The following CDH8 variants were observed in gnomAD, a reference collection of about 807,000 sequenced individuals.
CDH8 encodes cadherin-8.
A neutral mutation model predicts 68.1 loss-of-function variants in CDH8; 17 were observed. The ratio of observed to expected loss-of-function variants is 0.25; its 90% CI spans 0.17 to 0.37. The LOEUF is 0.37. CDH8 is among the 10% of genes least tolerant of loss of function. The pLI is 1.00. For synonymous variants in CDH8, 372 were observed against 365.1 expected, an observed-to-expected ratio of 1.02 and a Z score of -0.21; for missense variants, 763 against 999.3, an observed-to-expected ratio of 0.76 and a Z score of 3.19.
intron 8 of CDH8, among the ~76,000 whole-genome samples, chr16:61,771,446 A>C (rs1315806301): frequency 6.8e-6 from 1 of 147,104 alleles, no homozygotes; most frequent in African/African-American, 2.5e-5. Flanking sequence ...CACAAATCTA[A>C]TGACAAGCTG....
intron 8 of CDH8, among the ~76,000 whole-genome samples, chr16:61,778,232 A>G (rs1960950644): frequency 6.6e-6 from 1 of 152,172 alleles, no homozygotes; most frequent in East Asian, 1.9e-4. Flanking sequence ...ATAGCTATCA[A>G]TCTTTATGGT....
intron 7 of CDH8, among the ~76,000 whole-genome samples, chr16:61,808,756 A>C (rs1203040475): frequency 6.6e-6 from 1 of 152,236 alleles, no homozygotes; most frequent in Non-Finnish European, 1.5e-5. Flanking sequence ...TCAAACTTCC[A>C]ACAGTCTTGT....
At chr16:61,664,223 C>A (rs1024088057) in intron 10 of CDH8, among the ~76,000 whole-genome samples, 1 of 151,862 alleles carries the variant, frequency 6.6e-6, no homozygotes, top group Non-Finnish European at 1.5e-5. Flanking sequence ...TAATTTCTTT[C>A]ATAAATTGTC....
chr16:61,977,913 T>C lies in CDH8; in HGVS notation c.252+43239A>G, dbSNP rs1308197681. Among the ~76,000 whole-genome samples, 4 of 152,068 alleles carry C rather than the reference T, an allele frequency of 2.6e-5. No homozygotes were observed. The East Asian group carries it at 5.8e-4, about 22-fold the overall frequency. ...CTAGCACTACTAAGCATTCAGTACATATCCGCTTTAATGATAGTTTGTTAT... is the reference window on the plus strand; with the variant it reads ...CTAGCACTACTAAGCATTCAGTACACATCCGCTTTAATGATAGTTTGTTAT... On this transcript the variant is annotated intron_variant, in intron 2 of 11. Transcript: ENST00000577390.
chr16:61,902,841 T>C (rs1262136675), intron 2 of CDH8, among the ~76,000 whole-genome samples: 4 of 152,190 alleles, frequency 2.6e-5, no homozygotes, highest in Non-Finnish European at 5.9e-5. Flanking sequence ...CAAATATTTA[T>C]TGATTCTCAA....
chr16:61,972,029 A>C lies in CDH8; in HGVS notation c.252+49123T>G, dbSNP rs117250525. ...GTGTACTGACCCAAATCTTACCTTG[A>C]ATTGTAATAATCCCCACGTGTCAGG... On this transcript the variant is annotated intron_variant, in intron 2 of 11. Coordinates refer to ENST00000577390, the MANE Select transcript of CDH8 (RefSeq NM_001796.5). Among the ~76,000 whole-genome samples the C allele has an allele frequency of 3.1e-3, 479 of 152,282 alleles. 11 individuals carry two copies. The South Asian group carries it at 0.061, about 19-fold the overall frequency.
chr16:62,023,106 C>T (rs1425228380), intron 1 of CDH8, among the ~76,000 whole-genome samples: 1 of 152,200 alleles, frequency 6.6e-6, no homozygotes, highest in Non-Finnish European at 1.5e-5. Context: ...AAGTCTTTCT[C>T]TCATCCCAGT....
intron 10 of CDH8, among the ~76,000 whole-genome samples, chr16:61,707,159 T>G (rs1964549927): frequency 1.3e-5 from 2 of 152,192 alleles, no homozygotes; most frequent in South Asian, 4.1e-4. Flanking sequence ...TTTAGGTTCC[T>G]TATTAATATT....
intron 2 of CDH8, among the ~76,000 whole-genome samples, chr16:61,953,343 A>G (rs1047603035): frequency 2.6e-5 from 4 of 152,290 alleles, no homozygotes; most frequent in Admixed American, 6.5e-5. Flanking sequence ...TACTTCTGCT[A>G]TTCTTCTTCA....
chr16:61,751,185 C>A (rs1960148848), intron 8 of CDH8, among the ~76,000 whole-genome samples: 1 of 151,772 alleles, frequency 6.6e-6, no homozygotes, highest in African/African-American at 2.4e-5. Flanking sequence ...CGATGCAATA[C>A]AGCACAAAAT....
chr16:61,849,185 CAT>C (rs1962886646), intron 4 of CDH8, among the ~76,000 whole-genome samples: 1 of 151,898 alleles, frequency 6.6e-6, no homozygotes, highest in South Asian at 2.1e-4. Flanking sequence ...ATAATAGTAT[CAT>C]ATGATATTAT....
At chr16:61,894,435 G>C (rs186534591) in intron 3 of CDH8, among the ~76,000 whole-genome samples, 2 of 152,096 alleles carry the variant, frequency 1.3e-5, no homozygotes, top group Non-Finnish European at 2.9e-5. Context: ...CTGTGTATTT[G>C]ATATCAATGG....
chr16:61,775,672 C>G (rs750293518), intron 8 of CDH8, among the ~76,000 whole-genome samples: 5 of 152,036 alleles, frequency 3.3e-5, no homozygotes, highest in African/African-American at 1.2e-4. Flanking sequence ...AGCTAGCCTG[C>G]TAGAGGATGA....
At position 61,992,148 on chromosome 16, in the gene CDH8, G is replaced by A. The variant is rs183370781; in HGVS notation, c.252+29004C>T. ...TACTCTTTTTTGGGCTCTGCACTAA[G>A]GTGAAGAAGAAAGTACCTTTAATAT... On this transcript the variant is annotated intron_variant, in intron 2 of 11. Coordinates refer to ENST00000577390, the MANE Select transcript of CDH8 (RefSeq NM_001796.5). 2.6e-5 allele frequency among the ~76,000 whole-genome samples: 4 copies of A among 151,312 alleles called. No homozygotes were observed. The East Asian group carries it at 7.9e-4, about 30-fold the overall frequency.
intron 10 of CDH8, chr16:61,691,770 G>A (rs1964228390): frequency 1.3e-5 from 2 of 151,846 alleles, no homozygotes; most frequent in Admixed American, 1.3e-4. Context: ...GTAGTACTTG[G>A]CTCAAACACT....
At chr16:61,695,056 G>A (rs112477284) in intron 10 of CDH8, among the ~76,000 whole-genome samples, 8,866 of 151,990 alleles carry the variant, frequency 0.058, 903 homozygotes, top group African/African-American at 0.2. Context: ...TGGGATTATA[G>A]GCATGAGCCA....
chr16:61,704,009 T>A (rs74433613), intron 10 of CDH8, among the ~76,000 whole-genome samples: 18 of 152,290 alleles, frequency 1.2e-4, no homozygotes, highest in Non-Finnish European at 2.2e-4. Flanking sequence ...CTCATTAATT[T>A]CCTTTTGGAG....
At chr16:61,735,085 C>A (rs1391189196) in intron 8 of CDH8, among the ~76,000 whole-genome samples, 1 of 151,970 alleles carries the variant, frequency 6.6e-6, no homozygotes, top group Non-Finnish European at 1.5e-5. Flanking sequence ...TCGTCTTCTT[C>A]TTGTATCTTC....
intron 7 of CDH8, among the ~76,000 whole-genome samples, chr16:61,793,416 T>A (rs1008275110): frequency 1.3e-5 from 2 of 151,868 alleles, no homozygotes; most frequent in African/African-American, 4.8e-5. Context: ...CCTCCCTCCC[T>A]CTACCCTCTA....
Sources: gnomAD v4.1 joint callset for allele counts (sites outside exome capture counted in the v4.1 genomes callset) on GRCh38, gnomAD v4.1.1 for gene constraint, MANE v1.5 for transcripts, NCBI Gene and HGNC (gene_info 2026-07-23, HGNC 2026-07-21) for gene names.